Variants in CADPS observed in about 807,000 individuals in gnomAD.
CADPS encodes the protein calcium-dependent secretion activator 1.
Under a neutral mutation model 167.3 loss-of-function variants are expected in CADPS, and 57 were observed. That is an observed-to-expected ratio of 0.34 (90% CI 0.28 to 0.42). The LOEUF (loss-of-function observed/expected upper bound fraction) is 0.42. Among genes scored for constraint, CADPS ranks in the 20% least tolerant of loss-of-function variants. The pLI, the probability that CADPS is intolerant of heterozygous loss-of-function variation, is 1.00. For synonymous variants in CADPS, 676 were observed against 635.3 expected (o/e 1.06, Z -0.96); for missense variants, 1,414 against 1,738.1 (o/e 0.81, Z 3.32).
intron 1 of CADPS, among the ~76,000 whole-genome samples, chr3:62,779,983 T>G (rs2091238776): frequency 6.6e-6 from 1 of 152,198 alleles, no homozygotes; most frequent in African/African-American, 2.4e-5. Context: ...ATTTGCTTGT[T>G]TAGAAGGGAT....
At chr3:62,865,755 C>T (rs2153204304) in intron 1 of CADPS, among the ~76,000 whole-genome samples, 1 of 152,118 alleles carries the variant, frequency 6.6e-6, no homozygotes, top group Admixed American at 6.6e-5. Context: ...TTACCATATC[C>T]AATATGCAGT....
chr3:62,766,538 C>T (rs2086917926), intron 1 of CADPS, among the ~76,000 whole-genome samples: 1 of 152,156 alleles, frequency 6.6e-6, no homozygotes. Context: ...TTGATGAATG[C>T]AGTATGACCA....
chr3:62,494,808 A>AT (rs202148151), intron 18 of CADPS, among the ~76,000 whole-genome samples: 16,107 of 148,790 alleles, frequency 0.11, 974 homozygotes, highest in Admixed American at 0.2. Flanking sequence ...TACCTGGCTA[A>AT]TTTTTTTTTG....
intron 8 of CADPS, among the ~76,000 whole-genome samples, chr3:62,575,747 T>C (rs1190715150): frequency 1.3e-5 from 2 of 152,200 alleles, no homozygotes; most frequent in Non-Finnish European, 2.9e-5. Context: ...GTTTCTTTTT[T>C]TGAAGTAAGA....
At chr3:62,844,369 A>G (rs571898970) in intron 1 of CADPS, among the ~76,000 whole-genome samples, 52 of 152,322 alleles carry the variant, frequency 3.4e-4, no homozygotes, top group African/African-American at 1.2e-3. Flanking sequence ...CAACCAAAGG[A>G]AAATCTGAGG....
At chr3:62,621,189 T>C (rs905622123) in intron 6 of CADPS, among the ~76,000 whole-genome samples, 2 of 152,188 alleles carry the variant, frequency 1.3e-5, no homozygotes. Context: ...GAACTTTGAT[T>C]GCTGTATTCT....
chr3:62,612,355 A>G (rs1418030985), intron 6 of CADPS, among the ~76,000 whole-genome samples: 1 of 152,238 alleles, frequency 6.6e-6, no homozygotes, highest in Non-Finnish European at 1.5e-5. Context: ...AATAACTGCC[A>G]CAGTGATATT....
chr3:62,860,204 C>G (rs2080510150), intron 1 of CADPS, among the ~76,000 whole-genome samples: 1 of 152,176 alleles, frequency 6.6e-6, no homozygotes, highest in Non-Finnish European at 1.5e-5. Flanking sequence ...TGTTCCTCAG[C>G]TGCAAATGCA....
intron 1 of CADPS, among the ~76,000 whole-genome samples, chr3:62,824,160 T>G (rs1576925309): frequency 9.8e-6 from 1 of 102,272 alleles, no homozygotes; most frequent in South Asian, 3.7e-4. Context: ...CCTGTTGCTA[T>G]AACTTCAAAA....
intron 3 of CADPS, among the ~76,000 whole-genome samples, chr3:62,714,724 T>A (rs1413261060): frequency 6.6e-6 from 1 of 152,182 alleles, no homozygotes; most frequent in African/African-American, 2.4e-5. Flanking sequence ...AAAAGATGCC[T>A]AGGAGCAAAA....
chr3:62,820,039 AC>A (rs1378250079), intron 1 of CADPS, among the ~76,000 whole-genome samples: 1 of 152,128 alleles, frequency 6.6e-6, no homozygotes, highest in Non-Finnish European at 1.5e-5. Flanking sequence ...GCACACACAC[AC>A]ACACATGCAC....
chr3:62,794,792 A>AAAAAAAAAAAAAAAAAAAAAAG (rs1559654139), intron 1 of CADPS, among the ~76,000 whole-genome samples: 10 of 147,452 alleles, frequency 6.8e-5, no homozygotes, highest in African/African-American at 2.4e-4. Flanking sequence ...AAAAAAAAAA[A>AAAAAAAAAAAAAAAAAAAAAAG]AAAAAAAAAA....
chr3:62,568,719 C>T (rs773270743), intron 9 of CADPS, among the ~76,000 whole-genome samples: 1 of 152,156 alleles, frequency 6.6e-6, no homozygotes, highest in Non-Finnish European at 1.5e-5. Flanking sequence ...CTAATAAATG[C>T]CCTTTCTTAT....
At chr3:62,806,920 CCTCT>C (rs2094130843) in intron 1 of CADPS, among the ~76,000 whole-genome samples, 5 of 152,158 alleles carry the variant, frequency 3.3e-5, no homozygotes, top group Admixed American at 3.3e-4. Context: ...ATAATTATTT[CCTCT>C]CTAACATTTA....
At chr3:62,409,149 T>G (rs569810694) in intron 28 of CADPS, among the ~76,000 whole-genome samples, 37 of 152,224 alleles carry the variant, frequency 2.4e-4, no homozygotes, top group Non-Finnish European at 3.4e-4. Flanking sequence ...AGGGCATAGA[T>G]AGGTTACATA....
rs775993463 is a variant in CADPS at position 62,592,721 on chromosome 3, T to G, written c.1353A>C (p.Thr451=). The change falls in exon 7 of 30, where the codon ACA becomes ACC. Residue 451 remains threonine (T), a synonymous_variant. Coordinates refer to ENST00000383710, the MANE Select transcript of CADPS (RefSeq NM_003716.4). ...CCTTCACAGCTGGCAGTGCATGGGT[T>G]GTGGAGAAGTCACCCTGGGTGCCCC... ...PTWGTQGDFS[T]THALPAVKVK... is the part of the protein sequence containing the mutation. 77 of 1,613,998 alleles carry G rather than the reference T, an allele frequency of 4.8e-5. No homozygotes were observed. Among genetic ancestry groups the G allele is most frequent in the Non-Finnish European group, 5.9e-6 (7 of 1,179,970 alleles).
At chr3:62,409,077 A>G (rs114798623) in intron 28 of CADPS, among the ~76,000 whole-genome samples, 1 of 152,218 alleles carries the variant, frequency 6.6e-6, no homozygotes, top group Non-Finnish European at 1.5e-5. Flanking sequence ...ATATAGTTTA[A>G]TCATTGACTT....
At chr3:62,414,679 T>C (rs911381678) in intron 28 of CADPS, among the ~76,000 whole-genome samples, 1 of 152,174 alleles carries the variant, frequency 6.6e-6, no homozygotes, top group African/African-American at 2.4e-5. Context: ...TTTCTGCAAG[T>C]GGGAATTTTG....
At chr3:62,859,608 A>G (rs574051898) in intron 1 of CADPS, among the ~76,000 whole-genome samples, 5 of 152,352 alleles carry the variant, frequency 3.3e-5, no homozygotes, top group East Asian at 1.9e-4. Flanking sequence ...CTGAATCATA[A>G]TAACAGCAGT....
Sources: gnomAD v4.1 joint callset for allele counts (sites outside exome capture counted in the v4.1 genomes callset) on GRCh38, gnomAD v4.1.1 for gene constraint, MANE v1.5 for transcripts, NCBI Gene and HGNC (gene_info 2026-07-23, HGNC 2026-07-21) for gene names.